ANP32B: variants seen among roughly 807,000 people sequenced by gnomAD.
ANP32B encodes acidic nuclear phosphoprotein 32 family member B, also known as acidic leucine-rich nuclear phosphoprotein 32 family member B.
In ANP32B, 6 loss-of-function variants were observed where a neutral mutation model predicts 32.2. The observed-to-expected ratio is 0.19, with a 90% CI of 0.10 to 0.37. The LOEUF is 0.37. Among genes scored for constraint, ANP32B ranks in the 10% least tolerant of loss-of-function variants. The pLI is 1.00. For missense variants in ANP32B, 204 were observed against 289.2 expected (o/e 0.71, Z 2.14); for synonymous variants, 98 against 105.8 (o/e 0.93, Z 0.45).
chr9:98,006,274 T>TAAA (rs2131589844), intron 4 of ANP32B, among the ~76,000 whole-genome samples: 1 of 152,332 alleles, frequency 6.6e-6, no homozygotes, highest in Admixed American at 6.5e-5. Flanking sequence ...GGTGGCAGGC[T>TAAA]TTATAGTGGC....
intron 2 of ANP32B, 104 bp from the exon 3 acceptor site, chr9:97,998,452 C>G: frequency 7.9e-7 from 1 of 1,269,990 alleles, no homozygotes; most frequent in Non-Finnish European, 1.1e-6. Flanking sequence ...ATCATTTGAT[C>G]TTGATAAATC....
Position 97,983,579 on chromosome 9 carries a change from C to G in ANP32B, c.24C>G (p.His8Gln), listed in dbSNP as rs771283871. 6.3e-7 allele frequency: 1 copy of G among 1,587,506 alleles called. No individual in the cohort carries two copies. The highest frequency in any genetic ancestry group is 8.6e-7 in the Non-Finnish European group (1 of 1,167,834). ...ACATGGACATGAAGAGGAGGATCCA[C>G]CTGGAGCTGAGGAACCGGACCCCGG... MDMKRRI[H>Q]LELRNRTPAA... Residue 8 changes from histidine (H) to glutamine (Q), a missense_variant, in exon 1 of 7, where the codon CAC (histidine) becomes CAG (glutamine). His to Gln is a conservative substitution (Grantham distance 24, BLOSUM62 0). Coordinates refer to ENST00000339399, the MANE Select transcript of ANP32B (RefSeq NM_006401.3).
intron 2 of ANP32B, among the ~76,000 whole-genome samples, chr9:97,996,963 T>G (rs1000743828): frequency 1.3e-5 from 2 of 152,226 alleles, no homozygotes; most frequent in Admixed American, 1.3e-4. Flanking sequence ...GTCACAAATT[T>G]TCTAAATTTA....
At chr9:98,010,277 T>G (rs1406050590) in intron 4 of ANP32B, among the ~76,000 whole-genome samples, 1 of 140,932 alleles carries the variant, frequency 7.1e-6, no homozygotes, top group Non-Finnish European at 1.6e-5. Flanking sequence ...TTTTTTTTTG[T>G]TTTTTTTTTT....
At chr9:97,985,681 A>G (rs1450267004) in intron 1 of ANP32B, among the ~76,000 whole-genome samples, 1 of 152,250 alleles carries the variant, frequency 6.6e-6, no homozygotes, top group African/African-American at 2.4e-5. Flanking sequence ...CTCAAACTAA[A>G]GGTCTTTTAA....
chr9:98,013,674 G>A (rs1489989393), intron 6 of ANP32B, among the ~76,000 whole-genome samples: 4 of 152,096 alleles, frequency 2.6e-5, no homozygotes, highest in Non-Finnish European at 4.4e-5. Flanking sequence ...CGAGGCAGGT[G>A]GATCACCTGA....
At chr9:97,994,533 G>C (rs1827875554) in intron 1 of ANP32B, 98 bp from the exon 2 acceptor site, 1 of 1,198,034 alleles carries the variant, frequency 8.3e-7, no homozygotes, top group Non-Finnish European at 1.2e-6. Context: ...CTGTATATAT[G>C]GGTGTTTTTG....
intron 5 of ANP32B, 73 bp from the exon 6 acceptor site, chr9:98,012,348 G>A (rs1187775048): frequency 1.3e-6 from 2 of 1,533,154 alleles, no homozygotes; most frequent in Non-Finnish European, 1.8e-6. Flanking sequence ...TCTTAGTTTG[G>A]CAGAATTTGT....
At chr9:97,984,991 G>A (rs1827688340) in intron 1 of ANP32B, among the ~76,000 whole-genome samples, 1 of 150,866 alleles carries the variant, frequency 6.6e-6, no homozygotes, top group Non-Finnish European at 1.5e-5. Flanking sequence ...CGGCGCGGCT[G>A]CGTGGGCGTG....
intron 3 of ANP32B, 50 bp from the exon 4 acceptor site, chr9:98,004,914 A>G (rs776836830): frequency 7.0e-7 from 1 of 1,434,342 alleles, no homozygotes; most frequent in Non-Finnish European, 9.5e-7. Context: ...TGGATTTGTT[A>G]CTTATATTCC....
Position 98,011,399 on chromosome 9 carries a change from G to A in ANP32B, c.636+10G>A. The A allele has an allele frequency of 6.3e-7, 1 of 1,589,180 alleles. No individual in the cohort carries two copies. The highest frequency in any genetic ancestry group is 1.3e-5 in the African/African-American group (1 of 74,568). The stretch of plus-strand genomic sequence containing the variant: ...TGAAGTCAGTGAGGAGGTCAGTGCA[G>A]CTGTTTTCTACCCTGCTTCCTATTT... On this transcript the variant is annotated intron_variant, in intron 5 of 6. Coordinates refer to ENST00000339399, the MANE Select transcript of ANP32B (RefSeq NM_006401.3).
At chr9:97,998,519 G>A (rs773047265) in intron 2 of ANP32B, 37 bp from the exon 3 acceptor site, 5 of 1,579,448 alleles carry the variant, frequency 3.2e-6, no homozygotes, top group East Asian at 2.3e-5. Context: ...TTCTCTGTGT[G>A]TATTTGTGTT....
intron 3 of ANP32B, 94 bp from the exon 4 acceptor site, chr9:98,004,870 A>G (rs2131589030): frequency 1.0e-6 from 1 of 985,460 alleles, no homozygotes; most frequent in African/African-American, 1.6e-5. Flanking sequence ...GTGGAAATTG[A>G]ATATAGAGCC....
intron 3 of ANP32B, among the ~76,000 whole-genome samples, chr9:98,001,703 A>G (rs1007554494): frequency 6.6e-6 from 1 of 152,152 alleles, no homozygotes; most frequent in African/African-American, 2.4e-5. Flanking sequence ...TCAGTAATGT[A>G]TGAGAGGACC....
rs1827766543 is a variant in ANP32B, at chr9:97,988,049, TTAGTG to T, written c.54+4443_54+4447del. ...ATGCCTAACGTACCATCTAGACACT[TTAGTG>T]TATTATAGTCTACCAGAATGTTTAA... is the stretch of plus-strand genomic sequence containing the variant. On this transcript the variant is annotated intron_variant, in intron 1 of 6. Coordinates refer to ENST00000339399, the MANE Select transcript of ANP32B (RefSeq NM_006401.3). Among the ~76,000 whole-genome samples the T allele has an allele frequency of 2.0e-5, 3 of 152,252 alleles. No homozygotes were observed. The South Asian group carries it at 6.2e-4, about 32-fold the overall frequency.
intron 5 of ANP32B, 132 bp from the exon 6 acceptor site, chr9:98,012,289 T>G (rs1828199095): frequency 8.9e-7 from 1 of 1,118,648 alleles, no homozygotes; most frequent in East Asian, 2.7e-5. Flanking sequence ...TAGATAAAAA[T>G]AACATTACAG....
Position 98,015,475 on chromosome 9 carries a change from G to T in ANP32B, c.*44G>T, listed in dbSNP as rs1180148484. ...GAAACAGAACTGTTCAGTATTGGTTGGACTGCTCATGGATTTTGTAGCTGT... is the reference window on the plus strand; with the variant it reads ...GAAACAGAACTGTTCAGTATTGGTTTGACTGCTCATGGATTTTGTAGCTGT... On this transcript the variant is annotated 3_prime_UTR_variant, in exon 7 of 7. Coordinates refer to ENST00000339399, the MANE Select transcript of ANP32B (RefSeq NM_006401.3). 3 of 1,538,606 alleles carry T rather than the reference G, an allele frequency of 1.9e-6. No homozygotes were observed. The African/African-American group carries it at 4.2e-5, about 21-fold the overall frequency.
intron 1 of ANP32B, among the ~76,000 whole-genome samples, chr9:97,985,171 C>T (rs939901382): frequency 1.3e-5 from 2 of 151,796 alleles, no homozygotes; most frequent in Non-Finnish European, 2.9e-5. Context: ...GGCCTCCCGA[C>T]CCGCTCTGGG....
chr9:97,983,989 C>T (rs1197616542), intron 1 of ANP32B, among the ~76,000 whole-genome samples: 5 of 150,374 alleles, frequency 3.3e-5, no homozygotes. Flanking sequence ...GGCGGAGGCC[C>T]GGCCTGCCGA....
Sources: allele counts gnomAD v4.1 joint callset (sites outside exome capture counted in the v4.1 genomes callset), GRCh38; gene constraint gnomAD v4.1.1; transcripts MANE v1.5; gene names NCBI Gene and HGNC (gene_info 2026-07-23, HGNC 2026-07-21).